Variants in NUMBL observed in about 807,000 individuals in gnomAD.
NUMBL encodes numb-like protein.
NUMBL carries 20 observed loss-of-function variants against 48.9 expected under a neutral mutation model. The observed-to-expected ratio is 0.41, with a 90% CI of 0.29 to 0.59. NUMBL has a LOEUF of 0.59. Ranked by LOEUF, NUMBL falls within the 20% of genes least tolerant of loss-of-function variation. NUMBL has a pLI of 0.31. For missense variants in NUMBL, 660 were observed against 846.2 expected (o/e 0.78, Z 2.73); for synonymous variants, 340 against 348.7 (o/e 0.98, Z 0.28).
At chr19:40,677,453 G>A (rs1374317037) in intron 6 of NUMBL, 32 bp from the exon 7 acceptor site, 1 of 1,591,186 alleles carries the variant, frequency 6.3e-7, no homozygotes, top group Admixed American at 1.7e-5. Flanking sequence ...GGGGGTTAGA[G>A]GCGCTGGGCA....
Position 40,673,217 on chromosome 19 carries a change from T to C in NUMBL, c.1036+127A>G. 1 of 991,340 alleles carries C rather than the reference T, an allele frequency of 1.0e-6. No individual in the cohort carries two copies. Among genetic ancestry groups the C allele is most frequent in the South Asian group, 1.7e-5 (1 of 58,316 alleles). The allele number at this position is 991,340 out of a possible 1,614,324, so 61.4% of individuals were successfully genotyped here. A position where few individuals can be genotyped will look rare whatever the true frequency, so the allele number is the denominator to read the frequency against. On this transcript the variant is annotated intron_variant, in intron 8 of 9. Transcript: ENST00000252891. This position sits in a 1 kb window ranked among gnomAD's most constrained non-coding sequence, Gnocchi z 5.9. Reference sequence around the variant, plus strand: ...AATCGATCATGACATGTTCCCACTCTCTCTCCTTTGCCCATGGCAGACAGT... The same window carrying C: ...AATCGATCATGACATGTTCCCACTCCCTCTCCTTTGCCCATGGCAGACAGT...
rs2081960793 is a variant in NUMBL, at chr19:40,690,592, C to T, written c.-109G>A. The T allele has an allele frequency of 5.1e-6, 3 of 585,568 alleles. No homozygotes were observed. The highest frequency in any genetic ancestry group is 2.5e-6 in the Non-Finnish European group (1 of 404,986). The allele number at this position is 585,568 out of a possible 1,614,324, so 36.3% of individuals were successfully genotyped here. A position where few individuals can be genotyped will look rare whatever the true frequency, so the allele number is the denominator to read the frequency against. ...GCTCGGTCTGACGCCGGCCAGGGCC[C>T]GGGGCCGGGGGATGGTGCGGGATGC... On this transcript the variant is annotated 5_prime_UTR_variant, in exon 1 of 10. Coordinates refer to ENST00000252891, the MANE Select transcript of NUMBL (RefSeq NM_004756.5).
At chr19:40,671,678 T>C (rs1291359161) in intron 8 of NUMBL, among the ~76,000 whole-genome samples, 1 of 152,178 alleles carries the variant, frequency 6.6e-6, no homozygotes, top group African/African-American at 2.4e-5. Flanking sequence ...GCCTCCTGGA[T>C]ACAGCTCAAC....
chr19:40,678,035 G>C (rs1020053817), intron 6 of NUMBL, among the ~76,000 whole-genome samples: 2 of 152,150 alleles, frequency 1.3e-5, no homozygotes, highest in Admixed American at 6.5e-5. Context: ...AAACGTGTGT[G>C]TCTCTCTCAG....
rs1375780787 is a variant in NUMBL, at chr19:40,690,429, G to T, written c.24+31C>A. The T allele has an allele frequency of 5.9e-6, 7 of 1,195,170 alleles. No individual in the cohort carries two copies. The African/African-American group carries it at 6.3e-5, about 11-fold the overall frequency. The allele number at this position is 1,195,170 out of a possible 1,614,324, so 74.0% of individuals were successfully genotyped here. A position where few individuals can be genotyped will look rare whatever the true frequency, so the allele number is the denominator to read the frequency against. On this transcript the variant is annotated intron_variant, in intron 1 of 9. Transcript: ENST00000252891. ...CCACATCAGCAGCGGCGCCGCCCCC[G>T]ACCCGAGCCCCCCTCTCCCGCCCTT... is the stretch of plus-strand genomic sequence containing the variant.
intron 3 of NUMBL, among the ~76,000 whole-genome samples, chr19:40,683,769 T>A (rs570865937): frequency 6.7e-6 from 1 of 150,170 alleles, no homozygotes; most frequent in Non-Finnish European, 1.5e-5. Context: ...TACAAAAAAA[T>A]GTGTTCTGGT....
chr19:40,669,868 G>C (rs768996083), intron 9 of NUMBL, 30 bp downstream of exon 9: 8 of 1,608,074 alleles, frequency 5.0e-6, no homozygotes, highest in South Asian at 2.2e-5. Context: ...GACATGCAGG[G>C]TGTCTGCCCA....
Position 40,677,441 on chromosome 19 carries a change from G to T in NUMBL, c.541-20C>A, listed in dbSNP as rs753745189. On this transcript the variant is annotated intron_variant, in intron 6 of 9. Coordinates refer to ENST00000252891, the MANE Select transcript of NUMBL (RefSeq NM_004756.5). ...CTCGCCCTATGGGGAGAGGATGGGC[G>T]GGGGGGTTAGAGGCGCTGGGCAGTG... 4.7e-5 allele frequency: 75 copies of T among 1,596,756 alleles called. No homozygotes were observed. The highest frequency in any genetic ancestry group is 1.9e-4 in the South Asian group (17 of 90,028).
At chr19:40,676,901 G>A (rs1030191045) in intron 7 of NUMBL, among the ~76,000 whole-genome samples, 1 of 151,822 alleles carries the variant, frequency 6.6e-6, no homozygotes, top group Non-Finnish European at 1.5e-5. Context: ...TGCAACCTCT[G>A]CCTCCAGGGT....
intron 2 of NUMBL, 86 bp from the exon 3 acceptor site, chr19:40,684,642 A>G: frequency 6.8e-7 from 1 of 1,479,304 alleles, no homozygotes. Flanking sequence ...CTCAGGGAGC[A>G]TGGGGTCAGA....
In NUMBL at chr19:40,682,971, T is replaced by C; in HGVS notation, c.250-3A>G. 6.2e-7 allele frequency: 1 copy of C among 1,600,312 alleles called. No homozygotes were observed. Among genetic ancestry groups the C allele is most frequent in the South Asian group, 1.1e-5 (1 of 90,736 alleles). On this transcript the variant is annotated splice_region_variant and splice_polypyrimidine_tract_variant and intron_variant, in intron 3 of 9. Transcript: ENST00000252891. This position sits in a 1 kb window ranked among gnomAD's most constrained non-coding sequence, Gnocchi z 4.0. ...TCTACCTCCACGTGACCCAGGTACTTGGGTTGGAGGGAATGGGGGGGGGGA... is the reference window on the plus strand; with the variant it reads ...TCTACCTCCACGTGACCCAGGTACTCGGGTTGGAGGGAATGGGGGGGGGGA...
In NUMBL at chr19:40,690,495, G is replaced by A. The variant is rs1255980563; in HGVS notation, c.-12C>T. ...GCGCTGCGGGACATCCAGGGCCCGG[G>A]CGCCCCCGCCTCCCGCGGCCCTGGC... is the stretch of plus-strand genomic sequence containing the variant. On this transcript the variant is annotated 5_prime_UTR_variant, in exon 1 of 10. Transcript: ENST00000252891. 1.6e-6 allele frequency: 2 copies of A among 1,282,570 alleles called. No individual in the cohort carries two copies. The highest frequency in any genetic ancestry group is 2.9e-4 in the Middle Eastern group (1 of 3,390). The allele number at this position is 1,282,570 out of a possible 1,614,324, so 79.4% of individuals were successfully genotyped here.
At chr19:40,668,504 T>C (rs1171054124) in intron 9 of NUMBL, among the ~76,000 whole-genome samples, 1 of 152,188 alleles carries the variant, frequency 6.6e-6, no homozygotes, top group Non-Finnish European at 1.5e-5. Context: ...AGTCTCACTC[T>C]GTTGCCCAGG....
rs192770145 is a variant in NUMBL, at chr19:40,675,526, A to T, written c.730+1706T>A. ...TAAATAAATAAATTAATTAATTAAT[A>T]AATAAATTAATTATATGGTGACTCA... On this transcript the variant is annotated intron_variant, in intron 7 of 9. Coordinates refer to ENST00000252891, the MANE Select transcript of NUMBL (RefSeq NM_004756.5). Among the ~76,000 whole-genome samples the T allele has an allele frequency of 5.0e-3, 755 of 151,476 alleles. 4 individuals are homozygous for T. Among genetic ancestry groups the T allele is most frequent in the African/African-American group, 0.013 (534 of 41,360 alleles).
intron 2 of NUMBL, 117 bp downstream of exon 2, chr19:40,686,794 G>C: frequency 1.5e-6 from 1 of 688,080 alleles, no homozygotes; most frequent in East Asian, 2.8e-5. Flanking sequence ...AGATGCCTGA[G>C]GGTGTCCACT....
At chr19:40,679,039 C>G (rs2081892217) in intron 6 of NUMBL, among the ~76,000 whole-genome samples, 1 of 151,986 alleles carries the variant, frequency 6.6e-6, no homozygotes, top group Non-Finnish European at 1.5e-5. Flanking sequence ...TTCAGTGAGC[C>G]AAGATCGTGC....
intron 6 of NUMBL, among the ~76,000 whole-genome samples, chr19:40,677,702 G>A (rs1296008293): frequency 6.6e-6 from 1 of 152,182 alleles, no homozygotes; most frequent in East Asian, 1.9e-4. Flanking sequence ...GTCAGAACAG[G>A]CCAGGAGTGG....
rs1385171976 is a variant in NUMBL at position 40,682,395 on chromosome 19, G to A, written c.399+333C>T. 6.6e-6 allele frequency among the ~76,000 whole-genome samples: 1 copy of A among 152,124 alleles called. No homozygotes were observed. Among genetic ancestry groups the A allele is most frequent in the Non-Finnish European group, 1.5e-5 (1 of 68,034 alleles). ...CCTCCTTGGCCTCCCAAAGTACTGG[G>A]ATTACAGGCGTGAGCCACCACTCCC... On this transcript the variant is annotated intron_variant, in intron 5 of 9. Coordinates refer to ENST00000252891, the MANE Select transcript of NUMBL (RefSeq NM_004756.5). The surrounding 1 kb of genome is among the most constrained non-coding windows in gnomAD (Gnocchi z 4.0).
Position 40,684,533 on chromosome 19 carries a change from A to T in NUMBL, c.133T>A (p.Leu45Ile). 1 of 1,610,284 alleles carries T rather than the reference A, an allele frequency of 6.2e-7. No homozygotes were observed. Among genetic ancestry groups the T allele is most frequent in the Non-Finnish European group, 8.5e-7 (1 of 1,178,198 alleles). The change falls in exon 3 of 10, where the codon TTA becomes ATA. Residue 45 changes from leucine (L) to isoleucine (I), a missense_variant. Transcript: ENST00000252891. ...TTCCTCCGCCGCAGGCTCTGCCGTA[A>T]CTTGTTCATGGTGCCCGCCCCGTCT... ...EPDGAGTMNK[L>I]RQSLRRRKPA...
Sources: allele counts gnomAD v4.1 joint callset (sites outside exome capture counted in the v4.1 genomes callset), GRCh38; gene constraint gnomAD v4.1.1; non-coding constraint Gnocchi (gnomAD v3.1); transcripts MANE v1.5; gene names NCBI Gene and HGNC (gene_info 2026-07-23, HGNC 2026-07-21).